Variants in PCDHA10 observed in about 807,000 individuals in gnomAD.
PCDHA10 encodes protocadherin alpha-10.
PCDHA10 carries 45 observed loss-of-function variants against 61.2 expected under a neutral mutation model. That is an observed-to-expected ratio of 0.74 (90% CI 0.58 to 0.94). The LOEUF (loss-of-function observed/expected upper bound fraction) is 0.94, where lower values mean the gene tolerates loss of function less well. Among genes scored for constraint, PCDHA10 ranks in the 40% least tolerant of loss-of-function variants. PCDHA10 has a pLI of 0.00. For synonymous variants in PCDHA10, 602 were observed against 548.8 expected, an observed-to-expected ratio of 1.10 and a Z score of -1.35; for missense variants, 1,278 against 1,236.2, an observed-to-expected ratio of 1.03 and a Z score of -0.51.
intron 1 of PCDHA10, among the ~76,000 whole-genome samples, chr5:140,891,044 C>G (rs1167178710): frequency 6.6e-6 from 1 of 152,030 alleles, no homozygotes; most frequent in Non-Finnish European, 1.5e-5. Flanking sequence ...GTGTGACCCC[C>G]ACAGCACATA....
intron 1 of PCDHA10, among the ~76,000 whole-genome samples, chr5:140,878,533 CA>C (rs2057632489): frequency 6.6e-6 from 1 of 152,156 alleles, no homozygotes; most frequent in Admixed American, 6.5e-5. Context: ...AACTGTGGCT[CA>C]AACCAGTTTC....
intron 1 of PCDHA10, among the ~76,000 whole-genome samples, chr5:140,923,613 G>GT (rs2081443569): frequency 6.6e-6 from 1 of 152,146 alleles, no homozygotes; most frequent in South Asian, 2.1e-4. Context: ...TGTTTATCTG[G>GT]TCATCTTATC....
At chr5:140,909,866 A>G (rs1203006388) in intron 1 of PCDHA10, among the ~76,000 whole-genome samples, 2 of 152,212 alleles carry the variant, frequency 1.3e-5, no homozygotes, top group African/African-American at 2.4e-5. Context: ...CCTGGAGTCA[A>G]CGTCAGCTTA....
intron 3 of PCDHA10, among the ~76,000 whole-genome samples, chr5:141,002,161 G>T (rs1554258540): frequency 6.6e-6 from 1 of 152,208 alleles, no homozygotes; most frequent in Non-Finnish European, 1.5e-5. Flanking sequence ...CAGAGTGGGC[G>T]GTAGGCAGGC....
At position 140,913,388 on chromosome 5, in the gene PCDHA10, G is replaced by A. The variant is rs180918053; in HGVS notation, c.2388+54952G>A. On this transcript the variant is annotated intron_variant, in intron 1 of 3. Coordinates refer to ENST00000307360, the MANE Select transcript of PCDHA10 (RefSeq NM_018901.4). ...TATTGGCATATAGTGGCTCATCATAGCCACTAATGATCCTTTGAATTCCTG... is the reference window on the plus strand; with the variant it reads ...TATTGGCATATAGTGGCTCATCATAACCACTAATGATCCTTTGAATTCCTG... Among the ~76,000 whole-genome samples, 155 of 152,188 alleles carry A rather than the reference G, an allele frequency of 1.0e-3. 2 individuals are homozygous for A. The highest frequency in any genetic ancestry group is 3.7e-3 in the African/African-American group (152 of 41,534).
Position 140,856,890 on chromosome 5 carries a change from G to T in PCDHA10, c.842G>T (p.Ser281Ile). The part of the protein sequence containing the change: ...GINKEMMYSF[S>I]SLVPPTIRRK... ...AACAAGGAAATGATGTATTCATTTA[G>T]CTCTTTGGTCCCACCCACGATAAGA... The change falls in exon 1 of 4, where the codon AGC becomes ATC. Residue 281 changes from serine (S) to isoleucine (I), a missense_variant. By Grantham distance (142) the Ser-to-Ile change is moderately radical (BLOSUM62 -2). Coordinates refer to ENST00000307360, the MANE Select transcript of PCDHA10 (RefSeq NM_018901.4). 2 of 1,596,172 alleles carry T rather than the reference G, an allele frequency of 1.3e-6. No homozygotes were observed. The highest frequency in any genetic ancestry group is 1.7e-6 in the Non-Finnish European group (2 of 1,165,972).
At chr5:140,883,834 G>A (rs891069385) in intron 1 of PCDHA10, 1 of 1,612,658 alleles carries the variant, frequency 6.2e-7, no homozygotes, top group Non-Finnish European at 8.5e-7. Context: ...CGCTGCAGCC[G>A]TTGGACCACG....
chr5:140,927,421 G>A, intron 1 of PCDHA10: 2 of 1,614,208 alleles, frequency 1.2e-6, no homozygotes, highest in South Asian at 1.1e-5. Flanking sequence ...GGGATCGCGG[G>A]TTGACGGCAG....
At position 140,927,036 on chromosome 5, in the gene PCDHA10, C is replaced by A. The variant is rs137875923; in HGVS notation, c.2389-51913C>A. On this transcript the variant is annotated intron_variant, in intron 1 of 3. Transcript: ENST00000307360. ...CCGCGGACTTGAGGCTGCCAGCGGC[C>A]GCTATGTCCTCGCGGAACTTTCGCT... 9.3e-6 allele frequency: 15 copies of A among 1,612,314 alleles called. No homozygotes were observed. In the East Asian group the frequency reaches 3.3e-4, roughly 36 times the overall value.
At chr5:140,871,400 C>T (rs146613275) in intron 1 of PCDHA10, 4 of 1,614,128 alleles carry the variant, frequency 2.5e-6, no homozygotes, top group Non-Finnish European at 3.4e-6. Flanking sequence ...CCACCTAAGA[C>T]GGACCTCATG....
chr5:140,927,825 GGCGAGGGA>G (rs782044178), intron 1 of PCDHA10: 1 of 1,614,098 alleles, frequency 6.2e-7, no homozygotes, highest in Non-Finnish European at 8.5e-7. Context: ...CATACATTGA[GGCGAGGGA>G]CGAAGGTGTC....
chr5:140,983,359 A>G (rs1310994731), intron 3 of PCDHA10, among the ~76,000 whole-genome samples: 1 of 152,254 alleles, frequency 6.6e-6, no homozygotes, highest in African/African-American at 2.4e-5. Flanking sequence ...TAATAGAAAT[A>G]TGGCTTTGGA....
At chr5:140,983,720 T>G (rs1563510266) in intron 3 of PCDHA10, among the ~76,000 whole-genome samples, 1 of 152,228 alleles carries the variant, frequency 6.6e-6, no homozygotes, top group Non-Finnish European at 1.5e-5. Context: ...AGCACTTATA[T>G]TCATAACATG....
intron 1 of PCDHA10, among the ~76,000 whole-genome samples, chr5:140,959,063 A>G (rs190067147): frequency 2.0e-5 from 3 of 152,292 alleles, no homozygotes; most frequent in Admixed American, 2.0e-4. Flanking sequence ...TGCAGTATAT[A>G]TAGAATTCAG....
rs782208845 is a variant in PCDHA10 at position 140,857,288 on chromosome 5, C to G, written c.1240C>G (p.Arg414Gly). ...ATTGGTGCTGGACAGCGCTCTGGAC[C>G]GCGAGAGGGTGTCGGCCTATGAGCT... ...YSLVLDSALDRERVSAYELVV... is the reference protein window; with the variant it reads ...YSLVLDSALDGERVSAYELVV... Residue 414 changes from arginine (R) to glycine (G), a missense_variant, in exon 1 of 4, where the codon CGC becomes GGC. Transcript: ENST00000307360. 42 of 1,598,652 alleles carry G rather than the reference C, an allele frequency of 2.6e-5. 1 individual carries two copies. The highest frequency in any genetic ancestry group is 3.3e-5 in the Non-Finnish European group (39 of 1,168,028).
intron 1 of PCDHA10, among the ~76,000 whole-genome samples, chr5:140,873,040 T>C (rs2153278087): frequency 6.6e-6 from 1 of 152,312 alleles, no homozygotes; most frequent in South Asian, 2.1e-4. Flanking sequence ...CGTAGAGTGG[T>C]GGTATTACAG....
chr5:140,882,022 A>G (rs2153382292), intron 1 of PCDHA10: 2 of 571,970 alleles, frequency 3.5e-6, no homozygotes, highest in Non-Finnish European at 5.6e-6. Flanking sequence ...TACTACATCA[A>G]TGGAAAATAT....
rs183542590 is a variant in PCDHA10 at position 140,969,555 on chromosome 5, C to T, written c.2389-9394C>T. On this transcript the variant is annotated intron_variant, in intron 1 of 3. Coordinates refer to ENST00000307360, the MANE Select transcript of PCDHA10 (RefSeq NM_018901.4). ...CATTTTCAGAGGCATGAAGCCTTGT[C>T]CATAAAATTGTTTGAGAAGTGAGGA... The T allele has an allele frequency of 1.2e-5, 15 of 1,213,382 alleles. 1 individual carries two copies. The highest frequency in any genetic ancestry group is 1.7e-5 in the South Asian group (1 of 59,354). The allele number at this position is 1,213,382 out of a possible 1,614,324, so 75.2% of individuals were successfully genotyped here. A position where few individuals can be genotyped will look rare whatever the true frequency, so the allele number is the denominator to read the frequency against.
At chr5:140,889,415 G>A (rs192243576) in intron 1 of PCDHA10, among the ~76,000 whole-genome samples, 212 of 152,058 alleles carry the variant, frequency 1.4e-3, no homozygotes, top group African/African-American at 5.0e-3. Flanking sequence ...AGTCAGTTAC[G>A]TAGATAATAT....
Sources: gnomAD v4.1 joint callset for allele counts (sites outside exome capture counted in the v4.1 genomes callset) on GRCh38, gnomAD v4.1.1 for gene constraint, MANE v1.5 for transcripts, NCBI Gene and HGNC (gene_info 2026-07-23, HGNC 2026-07-21) for gene names.